The following RNF157 variants were observed in gnomAD, a reference collection of about 807,000 sequenced individuals.
RNF157 encodes the protein ring finger protein 157.
RNF157 carries 55 observed loss-of-function variants against 88.3 expected under a neutral mutation model. The ratio of observed to expected loss-of-function variants is 0.62; its 90% CI spans 0.50 to 0.78. RNF157 has a LOEUF of 0.78. Ranked by LOEUF, RNF157 falls within the 30% of genes least tolerant of loss-of-function variation. The pLI, the probability that RNF157 is intolerant of heterozygous loss-of-function variation, is 0.00. For synonymous variants in RNF157, 334 were observed against 341.2 expected (o/e 0.98, Z 0.23); for missense variants, 788 against 860.8 (o/e 0.92, Z 1.06).
At chr17:76,172,977 T>A (rs891653172) in intron 3 of RNF157, among the ~76,000 whole-genome samples, 3 of 151,884 alleles carry the variant, frequency 2.0e-5, no homozygotes, top group African/African-American at 7.3e-5. Flanking sequence ...AACAGACACA[T>A]GATATAGGGA....
At chr17:76,200,716 C>T (rs886741006) in intron 2 of RNF157, among the ~76,000 whole-genome samples, 27 of 152,242 alleles carry the variant, frequency 1.8e-4, no homozygotes, top group African/African-American at 6.5e-4. Context: ...TATAAGAATG[C>T]CTTAAGTGAA....
At chr17:76,199,570 T>TAAA (rs34151599) in intron 2 of RNF157, among the ~76,000 whole-genome samples, 13 of 110,990 alleles carry the variant, frequency 1.2e-4, no homozygotes, top group South Asian at 8.9e-4. Context: ...AGCTGAAAGT[T>TAAA]AAAAAAAAAA....
In RNF157 at chr17:76,145,110, G is replaced by C. The variant is rs945638110; in HGVS notation, c.*125C>G. 50 of 629,802 alleles carry C rather than the reference G, an allele frequency of 7.9e-5. No homozygotes were observed. Among genetic ancestry groups the C allele is most frequent in the Non-Finnish European group, 2.0e-5 (7 of 352,234 alleles). 39.0% of individuals were successfully genotyped at this position (629,802 alleles called of 1,614,324 possible). A position where few individuals can be genotyped will look rare whatever the true frequency, so the allele number is the denominator to read the frequency against. On this transcript the variant is annotated 3_prime_UTR_variant, in exon 19 of 19. Coordinates refer to ENST00000269391, the MANE Select transcript of RNF157 (RefSeq NM_052916.3). ...AGGTGAGGGATTGTGGTTACAGGTT[G>C]TAACAGCTGTCACAGGAGGGTAAAA...
chr17:76,180,649 T>C (rs752016424), intron 2 of RNF157, among the ~76,000 whole-genome samples: 24 of 152,324 alleles, frequency 1.6e-4, no homozygotes, highest in Admixed American at 9.1e-4. Context: ...GGTCTCAAAC[T>C]CTTGAGTTCA....
chr17:76,201,582 A>G (rs2069579289), intron 2 of RNF157, among the ~76,000 whole-genome samples: 1 of 152,162 alleles, frequency 6.6e-6, no homozygotes, highest in African/African-American at 2.4e-5. Context: ...ATATATCCCA[A>G]GAGTTACCAT....
chr17:76,155,857 C>G, intron 14 of RNF157, 123 bp from the exon 15 acceptor site: 2 of 876,446 alleles, frequency 2.3e-6, no homozygotes, highest in Non-Finnish European at 3.4e-6. Flanking sequence ...GTATCTTGCC[C>G]TCCCCTAAAA....
At chr17:76,223,738 T>C (rs1161313753) in intron 1 of RNF157, among the ~76,000 whole-genome samples, 1 of 152,140 alleles carries the variant, frequency 6.6e-6, no homozygotes, top group Non-Finnish European at 1.5e-5. Context: ...ACAGCCTCCC[T>C]GTTCAGAATA....
intron 1 of RNF157, among the ~76,000 whole-genome samples, chr17:76,227,746 G>T (rs1200621259): frequency 1.3e-5 from 2 of 151,964 alleles, no homozygotes; most frequent in African/African-American, 2.4e-5. Flanking sequence ...GCGTGGTGAT[G>T]CAGGCCTGTA....
Position 76,146,721 on chromosome 17 carries a change from A to C in RNF157, c.1922-1368T>G, listed in dbSNP as rs1314276801. ...AGGTCCTGGAGCTCCTCCATGGGAC[A>C]AAGCTCCTCCTGGGCAGGGGCCGTG... On this transcript the variant is annotated intron_variant, in intron 18 of 18. Coordinates refer to ENST00000269391, the MANE Select transcript of RNF157 (RefSeq NM_052916.3). The surrounding 1 kb of genome is among the most constrained non-coding windows in gnomAD (Gnocchi z 4.2). 2.0e-6 allele frequency: 2 copies of C among 985,354 alleles called. No homozygotes were observed. The highest frequency in any genetic ancestry group is 2.3e-4 in the East Asian group (2 of 8,830). The allele number at this position is 985,354 out of a possible 1,614,324, so 61.0% of individuals were successfully genotyped here.
rs781620543 is a variant in RNF157, at chr17:76,156,256, C to T, written c.1479G>A (p.Ser493=). ...ATGACAGAGGCGTCCCTGTGCAAGA[C>T]GACTGGTCAATAGCTCCAGATGACG... ...TLSSSGAIDQ[S]SCTGTPLSST... The change falls in exon 14 of 19, where the codon TCG becomes TCA. Residue 493 remains serine (S), a synonymous_variant. Transcript: ENST00000269391. The T allele has an allele frequency of 7.4e-6, 12 of 1,613,976 alleles. No individual in the cohort carries two copies. The highest frequency in any genetic ancestry group is 2.2e-5 in the South Asian group (2 of 91,084).
At chr17:76,227,807 G>A (rs748793192) in intron 1 of RNF157, among the ~76,000 whole-genome samples, 8 of 152,122 alleles carry the variant, frequency 5.3e-5, no homozygotes, top group Non-Finnish European at 1.2e-4. Context: ...AACCCGGGAG[G>A]CAGAGGTTGC....
intron 2 of RNF157, among the ~76,000 whole-genome samples, chr17:76,204,715 G>T (rs372461096): frequency 6.6e-6 from 1 of 151,738 alleles, no homozygotes; most frequent in South Asian, 2.1e-4. Context: ...ACAACTTTTG[G>T]TCTATCTGTA....
At chr17:76,209,500 T>C (rs2069740321) in intron 2 of RNF157, among the ~76,000 whole-genome samples, 1 of 152,080 alleles carries the variant, frequency 6.6e-6, no homozygotes, top group African/African-American at 2.4e-5. Flanking sequence ...TTTTCTTTTT[T>C]AGCTCATCAG....
At chr17:76,182,448 A>T (rs1439422177) in intron 2 of RNF157, among the ~76,000 whole-genome samples, 1 of 110,052 alleles carries the variant, frequency 9.1e-6, no homozygotes, top group Non-Finnish European at 1.8e-5. Flanking sequence ...ACACGCATTT[A>T]GTCTGTGTGT....
intron 18 of RNF157, among the ~76,000 whole-genome samples, chr17:76,149,994 C>T (rs576686314): frequency 3.3e-5 from 5 of 152,156 alleles, no homozygotes; most frequent in African/African-American, 9.6e-5. Context: ...GATCGCGCCA[C>T]TGCACTCCAG....
At chr17:76,172,738 C>T (rs1056932001) in intron 3 of RNF157, among the ~76,000 whole-genome samples, 10 of 151,366 alleles carry the variant, frequency 6.6e-5, no homozygotes, top group African/African-American at 2.4e-4. Flanking sequence ...GAGTCATCTT[C>T]CTTGCCTATT....
intron 2 of RNF157, among the ~76,000 whole-genome samples, chr17:76,183,710 T>A (rs992752946): frequency 2.6e-5 from 4 of 152,106 alleles, no homozygotes; most frequent in African/African-American, 9.7e-5. Context: ...GGGATTCTAC[T>A]GTAAGGAAGA....
intron 1 of RNF157, among the ~76,000 whole-genome samples, chr17:76,224,507 AAAAT>A (rs1416315185): frequency 6.6e-6 from 1 of 152,160 alleles, no homozygotes; most frequent in Non-Finnish European, 1.5e-5. Context: ...TTAGATCACA[AAAAT>A]AAGAAGAAAA....
rs561537437 is a variant in RNF157 at position 76,169,827 on chromosome 17, C to T, written c.297-2030G>A. ...AACTCCTGACCTCAAGTGATCCACC[C>T]GCCTCACCTTCCCAAAGTGCTGGGA... On this transcript the variant is annotated intron_variant, in intron 3 of 18. Coordinates refer to ENST00000269391, the MANE Select transcript of RNF157 (RefSeq NM_052916.3). Among the ~76,000 whole-genome samples, 10 of 152,094 alleles carry T rather than the reference C, an allele frequency of 6.6e-5. No individual in the cohort carries two copies. In the South Asian group the frequency reaches 8.3e-4, roughly 13 times the overall value.
Sources: allele counts gnomAD v4.1 joint callset (sites outside exome capture counted in the v4.1 genomes callset), GRCh38; gene constraint gnomAD v4.1.1; non-coding constraint Gnocchi (gnomAD v3.1); transcripts MANE v1.5; gene names NCBI Gene and HGNC (gene_info 2026-07-23, HGNC 2026-07-21).